ATRNL1: variants seen among roughly 807,000 people sequenced by gnomAD.
The protein encoded by ATRNL1 is attractin-like protein 1.
A neutral mutation model predicts 182.7 loss-of-function variants in ATRNL1; 95 were observed. That is an observed-to-expected ratio of 0.52 (90% CI 0.44 to 0.62). The LOEUF is 0.62. ATRNL1 is among the 20% of genes least tolerant of loss of function. The pLI is 0.00. For missense variants in ATRNL1, 1,471 were observed against 1,679.5 expected (o/e 0.88, Z 2.17); for synonymous variants, 576 against 568.3 (o/e 1.01, Z -0.19).
At chr10:115,703,220 A>G (rs1216395260) in intron 26 of ATRNL1, among the ~76,000 whole-genome samples, 1 of 152,060 alleles carries the variant, frequency 6.6e-6, no homozygotes, top group African/African-American at 2.4e-5. Context: ...CAGAAGAATG[A>G]AACTGGACCC....
chr10:115,167,267 C>G (rs1847089407), intron 7 of ATRNL1, among the ~76,000 whole-genome samples: 1 of 151,556 alleles, frequency 6.6e-6, no homozygotes, highest in Non-Finnish European at 1.5e-5. Context: ...ATATGTCTGT[C>G]TTTATGCTAG....
At chr10:115,696,048 G>A (rs2133983360) in intron 26 of ATRNL1, among the ~76,000 whole-genome samples, 1 of 152,028 alleles carries the variant, frequency 6.6e-6, no homozygotes, top group East Asian at 1.9e-4. Flanking sequence ...ACAGGCGCCT[G>A]CTACCACACC....
chr10:115,348,672 G>A (rs1554940437), intron 19 of ATRNL1, among the ~76,000 whole-genome samples: 2 of 152,062 alleles, frequency 1.3e-5, no homozygotes, highest in South Asian at 2.1e-4. Flanking sequence ...ATAAATGCAA[G>A]GAACAATGTT....
intron 28 of ATRNL1, among the ~76,000 whole-genome samples, chr10:115,849,169 C>CAA (rs1555099824): frequency 6.6e-6 from 1 of 152,108 alleles, no homozygotes; most frequent in African/African-American, 2.4e-5. Flanking sequence ...AATTTCTATC[C>CAA]AAAGTTCATT....
intron 28 of ATRNL1, among the ~76,000 whole-genome samples, chr10:115,914,893 A>G (rs903512337): frequency 2.6e-5 from 4 of 152,214 alleles, no homozygotes; most frequent in African/African-American, 9.6e-5. Context: ...TAACAAAAAT[A>G]TAAAAATATG....
chr10:115,812,737 A>G (rs1950075683), intron 27 of ATRNL1, among the ~76,000 whole-genome samples: 1 of 151,956 alleles, frequency 6.6e-6, no homozygotes, highest in African/African-American at 2.4e-5. Flanking sequence ...TCGACCTCCC[A>G]AAGTGCTGGG....
intron 22 of ATRNL1, among the ~76,000 whole-genome samples, chr10:115,463,251 A>C (rs1847901007): frequency 1.0e-5 from 1 of 98,078 alleles, no homozygotes; most frequent in Admixed American, 9.0e-5. Flanking sequence ...CCCCATCACC[A>C]AAAAAAAGAA....
At chr10:115,587,347 C>G (rs1855590489) in intron 26 of ATRNL1, among the ~76,000 whole-genome samples, 1 of 152,074 alleles carries the variant, frequency 6.6e-6, no homozygotes, top group Non-Finnish European at 1.5e-5. Flanking sequence ...GGCGGGCGCC[C>G]CTCCCCCAGC....
intron 24 of ATRNL1, among the ~76,000 whole-genome samples, chr10:115,479,635 A>G (rs1554973773): frequency 6.6e-6 from 1 of 151,430 alleles, no homozygotes; most frequent in Non-Finnish European, 1.5e-5. Flanking sequence ...AAATATTCCA[A>G]TAATATAGTA....
intron 26 of ATRNL1, among the ~76,000 whole-genome samples, chr10:115,648,353 C>G (rs1859764876): frequency 6.6e-6 from 1 of 152,134 alleles, no homozygotes; most frequent in Non-Finnish European, 1.5e-5. Context: ...TAGAAAGAAT[C>G]AATACCATGA....
At chr10:115,656,770 G>A (rs1388597773) in intron 26 of ATRNL1, among the ~76,000 whole-genome samples, 1 of 152,076 alleles carries the variant, frequency 6.6e-6, no homozygotes, top group Non-Finnish European at 1.5e-5. Flanking sequence ...ACTGAGTGGT[G>A]GTAGGAGGTT....
At chr10:115,563,146 A>C (rs1377113881) in intron 26 of ATRNL1, among the ~76,000 whole-genome samples, 1 of 152,170 alleles carries the variant, frequency 6.6e-6, no homozygotes, top group African/African-American at 2.4e-5. Flanking sequence ...TACAAGAAGC[A>C]TGGGACCAGT....
At chr10:115,518,214 CTCTGGCCAGTTGTCCA>C (rs1185244732) in intron 24 of ATRNL1, among the ~76,000 whole-genome samples, 4 of 151,860 alleles carry the variant, frequency 2.6e-5, no homozygotes, top group Admixed American at 6.6e-5. Context: ...GGATCATAAT[CTCTGGCCAGTTGTCCA>C]ATGCCTGAAA....
chr10:115,219,833 G>A (rs555772959), intron 9 of ATRNL1, among the ~76,000 whole-genome samples: 9 of 152,222 alleles, frequency 5.9e-5, no homozygotes, highest in African/African-American at 2.2e-4. Flanking sequence ...AACCTGGGAA[G>A]TGGAGGCTGT....
At chr10:115,162,594 GTGTTA>G (rs1846844135) in intron 6 of ATRNL1, among the ~76,000 whole-genome samples, 2 of 151,456 alleles carry the variant, frequency 1.3e-5, no homozygotes, top group African/African-American at 2.4e-5. Flanking sequence ...TATTTTAAAA[GTGTTA>G]CCATGGCGGT....
intron 27 of ATRNL1, among the ~76,000 whole-genome samples, chr10:115,736,184 A>T (rs1024561050): frequency 6.6e-6 from 1 of 151,970 alleles, no homozygotes; most frequent in Non-Finnish European, 1.5e-5. Flanking sequence ...CATCTTCACA[A>T]TCTCTTAGTC....
At chr10:115,143,347 T>C (rs1554878508) in intron 5 of ATRNL1, among the ~76,000 whole-genome samples, 1 of 152,184 alleles carries the variant, frequency 6.6e-6, no homozygotes, top group African/African-American at 2.4e-5. Context: ...CTGCTCTCAA[T>C]ATAGCTAATT....
intron 8 of ATRNL1, among the ~76,000 whole-genome samples, chr10:115,179,356 A>T (rs554311748): frequency 7.9e-4 from 120 of 152,042 alleles, no homozygotes; most frequent in Non-Finnish European, 1.4e-3. Context: ...TCCCTGCTGG[A>T]TAACCTTGGG....
chr10:115,527,193 C>CACT (rs1192558558), intron 25 of ATRNL1, among the ~76,000 whole-genome samples: 1 of 150,600 alleles, frequency 6.6e-6, no homozygotes, highest in Non-Finnish European at 1.5e-5. Context: ...AATCTCAGTT[C>CACT]ACTCAACCTC....
Sources: allele counts gnomAD v4.1 joint callset (sites outside exome capture counted in the v4.1 genomes callset), GRCh38; gene constraint gnomAD v4.1.1; transcripts MANE v1.5; gene names NCBI Gene and HGNC (gene_info 2026-07-23, HGNC 2026-07-21).